The following OR9G4 variants were observed in gnomAD, a reference collection of about 807,000 sequenced individuals.
The protein encoded by OR9G4 is olfactory receptor 9G4.
In OR9G4, 19 loss-of-function variants were observed where a neutral mutation model predicts 16.7. The observed-to-expected ratio is 1.14, with a 90% CI of 0.79 to 1.67. The LOEUF (loss-of-function observed/expected upper bound fraction) is 1.67, where lower values mean the gene tolerates loss of function less well. Among genes scored for constraint, OR9G4 ranks in the 40% most tolerant of loss-of-function variants. OR9G4 has a pLI of 0.00. For synonymous variants in OR9G4, 182 were observed against 146.2 expected (o/e 1.24, Z -1.76); for missense variants, 428 against 370.4 (o/e 1.16, Z -1.28).
intron 1 of OR9G4, 143 bp from the exon 2 acceptor site, chr11:56,743,931 T>C (rs1159700879): frequency 5.6e-6 from 5 of 895,116 alleles, no homozygotes; most frequent in African/African-American, 3.4e-5. Flanking sequence ...CAGTCCATGA[T>C]TTGGAAAAAT....
chr11:56,743,501 T>C lies in OR9G4; in HGVS notation c.266A>G (p.Asp89Gly). 1.9e-6 allele frequency: 3 copies of C among 1,614,166 alleles called. No homozygotes were observed. The highest frequency in any genetic ancestry group is 1.1e-5 in the South Asian group (1 of 91,086). The change falls in exon 2 of 2, where the codon GAT becomes GGT. Residue 89 changes from aspartate to glycine, a missense_variant. Transcript: ENST00000641668. ...PKILASCVSE[D>G]KRISLAGCGA... The stretch of plus-strand genomic sequence containing the variant: ...ACATCCAGCCAAGGAAATGCGCTTA[T>C]CTTCTGAGACACAACTGGCCAGGAT...
chr11:56,741,238 G>A lies in OR9G4; in HGVS notation c.*1590C>T, dbSNP rs1034019232. On this transcript the variant is annotated 3_prime_UTR_variant, in exon 2 of 2. Coordinates refer to ENST00000641668, the MANE Select transcript of OR9G4 (RefSeq NM_001005284.2). The stretch of plus-strand genomic sequence containing the variant: ...GAAAAATTGTGTTTCTTTGTGTTTC[G>A]TTTGTTTGTTATGATTTTGAGATCA... The A allele has an allele frequency of 1.1e-4, 35 of 331,444 alleles. No homozygotes were observed. The highest frequency in any genetic ancestry group is 4.6e-4 in the Middle Eastern group (1 of 2,194). 20.5% of individuals were successfully genotyped at this position (331,444 alleles called of 1,614,324 possible). A position where few individuals can be genotyped will look rare whatever the true frequency, so the allele number is the denominator to read the frequency against.
chr11:56,747,890 G>T (rs1197840267), intron 1 of OR9G4, among the ~76,000 whole-genome samples: 1 of 152,154 alleles, frequency 6.6e-6, no homozygotes, highest in South Asian at 2.1e-4. Context: ...TGGCCAGGCT[G>T]GTCTTGAACT....
In OR9G4 at chr11:56,748,647, G is replaced by A. The variant is rs1858458196; in HGVS notation, c.-23+9C>T. On this transcript the variant is annotated intron_variant, in intron 1 of 1. Transcript: ENST00000641668. Reference sequence around the variant, plus strand: ...GACTTCCTATTTGCCCCTGATCCCAGGTGCTTACCCTTGGTTTGGAAGGCC... The same window carrying A: ...GACTTCCTATTTGCCCCTGATCCCAAGTGCTTACCCTTGGTTTGGAAGGCC... 6.6e-6 allele frequency: 1 copy of A among 152,208 alleles called. No homozygotes were observed. The highest frequency in any genetic ancestry group is 1.5e-5 in the Non-Finnish European group (1 of 68,058). 9.4% of individuals were successfully genotyped at this position (152,208 alleles called of 1,614,324 possible).
At chr11:56,747,285 A>G (rs1858433062) in intron 1 of OR9G4, among the ~76,000 whole-genome samples, 1 of 151,852 alleles carries the variant, frequency 6.6e-6, no homozygotes, top group Admixed American at 6.6e-5. Flanking sequence ...AGATGTTTTC[A>G]TGGCTCACTC....
chr11:56,746,090 G>A (rs1023369189), intron 1 of OR9G4, among the ~76,000 whole-genome samples: 2 of 151,612 alleles, frequency 1.3e-5, no homozygotes, highest in East Asian at 3.9e-4. Context: ...TCAGGAGATC[G>A]AGACCATCCC....
chr11:56,747,386 C>G (rs1858434713), intron 1 of OR9G4, among the ~76,000 whole-genome samples: 1 of 151,926 alleles, frequency 6.6e-6, no homozygotes, highest in South Asian at 2.1e-4. Flanking sequence ...AATTCCATGC[C>G]CCTTTCCTTC....
chr11:56,741,761 G>T lies in OR9G4; in HGVS notation c.*1067C>A, dbSNP rs1324061730. 1.3e-5 allele frequency: 2 copies of T among 151,804 alleles called. No individual in the cohort carries two copies. The highest frequency in any genetic ancestry group is 4.9e-5 in the African/African-American group (2 of 41,064). 9.4% of individuals were successfully genotyped at this position (151,804 alleles called of 1,614,324 possible). On this transcript the variant is annotated 3_prime_UTR_variant, in exon 2 of 2. Transcript: ENST00000641668. ...CAACAAAGTTGCTAACCTCTGAGCTGCAAGCTTGTGATTTGAAAATTGTAA... is the reference window on the plus strand; with the variant it reads ...CAACAAAGTTGCTAACCTCTGAGCTTCAAGCTTGTGATTTGAAAATTGTAA...
chr11:56,742,812 G>A lies in OR9G4; in HGVS notation c.*16C>T. 1.3e-6 allele frequency: 2 copies of A among 1,594,028 alleles called. No individual in the cohort carries two copies. Among genetic ancestry groups the A allele is most frequent in the Non-Finnish European group, 1.7e-6 (2 of 1,169,892 alleles). On this transcript the variant is annotated 3_prime_UTR_variant, in exon 2 of 2. Transcript: ENST00000641668. ...TCTGGAAAATTCAATAACAGCATTT[G>A]CAAAGAGAATAACCTTCATGTTTGT...
At chr11:56,745,937 T>C (rs1220102212) in intron 1 of OR9G4, among the ~76,000 whole-genome samples, 2 of 152,164 alleles carry the variant, frequency 1.3e-5, no homozygotes, top group Non-Finnish European at 2.9e-5. Context: ...TAAAATTTGC[T>C]GAAGACAACT....
In OR9G4 at chr11:56,743,590, C is replaced by A. The variant is rs200982312; in HGVS notation, c.177G>T (p.Met59Ile). Residue 59 changes from methionine to isoleucine, a missense_variant, in exon 2 of 2, where the codon ATG becomes ATT. By Grantham distance (10) the Met-to-Ile change is conservative (BLOSUM62 1). Transcript: ENST00000641668. ...IRTDSHLHTP[M>I]YFFIGNLSFL... ...AAGACAGATTGCCAATGAAAAAGTA[C>A]ATAGGTGTATGCAAGTGGGAATCAG... 3 of 1,614,106 alleles carry A rather than the reference C, an allele frequency of 1.9e-6. No individual in the cohort carries two copies. The highest frequency in any genetic ancestry group is 2.5e-6 in the Non-Finnish European group (3 of 1,179,986).
chr11:56,743,917 A>C (rs1858361480), intron 1 of OR9G4, 129 bp from the exon 2 acceptor site: 1 of 1,038,984 alleles, frequency 9.6e-7, no homozygotes, highest in Non-Finnish European at 1.4e-6. Context: ...GAATTATAGG[A>C]CTTCAGTCCA....
chr11:56,743,164 A>G lies in OR9G4; in HGVS notation c.603T>C (p.Gly201=). 6.2e-7 allele frequency: 1 copy of G among 1,614,132 alleles called. No homozygotes were observed. Among genetic ancestry groups the G allele is most frequent in the Non-Finnish European group, 8.5e-7 (1 of 1,179,996 alleles). Residue 201 remains glycine, a synonymous_variant, in exon 2 of 2, where the codon GGT becomes GGC. Coordinates refer to ENST00000641668, the MANE Select transcript of OR9G4 (RefSeq NM_001005284.2). ...NTRVYEKVLL[G]VVGFTVLSSI... is the part of the protein sequence containing the mutation. ...TGGAGAGTACTGTGAAGCCCACCAC[A>G]CCAAGCAGGACTTTTTCGTAGACCC...
At chr11:56,747,785 C>T (rs1858442942) in intron 1 of OR9G4, among the ~76,000 whole-genome samples, 1 of 152,156 alleles carries the variant, frequency 6.6e-6, no homozygotes, top group Non-Finnish European at 1.5e-5. Flanking sequence ...AGTGATTCTC[C>T]TGCCTCAGCC....
chr11:56,743,358 A>G lies in OR9G4; in HGVS notation c.409T>C (p.Ser137Pro), dbSNP rs1858341218. 1.9e-6 allele frequency: 3 copies of G among 1,614,034 alleles called. No homozygotes were observed. Among genetic ancestry groups the G allele is most frequent in the Admixed American group, 1.7e-5 (1 of 59,984 alleles). Residue 137 changes from serine to proline, a missense_variant, in exon 2 of 2, where the codon TCC (serine) becomes CCC (proline). Transcript: ENST00000641668. The part of the protein sequence containing the change: ...CNPLLYSGTM[S>P]TALCTGLVAG... ...ACAAGCCCAGTACAGAGGGCGGTGG[A>G]CATGGTACCTGAATAAAGCAATGGG...
chr11:56,742,870 C>T lies in OR9G4; in HGVS notation c.897G>A (p.Glu299=). The change falls in exon 2 of 2, where the codon GAG becomes GAA. Residue 299 remains glutamate (E), a synonymous_variant. Transcript: ENST00000641668. ...IYSLRNKDIK[E]AFRKATQTIQ... is the part of the protein sequence containing the mutation. ...TAGTCTGTGTTGCTTTCCTGAAGGC[C>T]TCTTTGATATCTTTGTTTCTCAGGC... The T allele has an allele frequency of 6.2e-7, 1 of 1,614,022 alleles. No homozygotes were observed. Among genetic ancestry groups the T allele is most frequent in the Non-Finnish European group, 8.5e-7 (1 of 1,179,922 alleles).
At chr11:56,746,838 C>A (rs927162161) in intron 1 of OR9G4, among the ~76,000 whole-genome samples, 2 of 152,158 alleles carry the variant, frequency 1.3e-5, no homozygotes, top group Admixed American at 6.5e-5. Context: ...AATCTGACCA[C>A]TTCTCCCCAC....
In OR9G4 at chr11:56,747,697, C is replaced by T. The variant is rs1262701729; in HGVS notation, c.-23+959G>A. On this transcript the variant is annotated intron_variant, in intron 1 of 1. Transcript: ENST00000641668. ...TATTTCTTTTTTTTTTTCTTTGAGA[C>T]GGAGTCTCACACTGTCACCCAGGCT... Among the ~76,000 whole-genome samples, 7 of 144,194 alleles carry T rather than the reference C, an allele frequency of 4.9e-5. No homozygotes were observed. The South Asian group carries it at 6.5e-4, about 13-fold the overall frequency. The allele number at this position is 144,194 out of a possible 152,430, so 94.6% of individuals were successfully genotyped here. A position where few individuals can be genotyped will look rare whatever the true frequency, so the allele number is the denominator to read the frequency against.
At chr11:56,743,915 G>C in intron 1 of OR9G4, 127 bp from the exon 2 acceptor site, 5 of 1,060,372 alleles carry the variant, frequency 4.7e-6, no homozygotes, top group Non-Finnish European at 6.8e-6. Flanking sequence ...TAGAATTATA[G>C]GACTTCAGTC....
Sources: gnomAD v4.1 joint callset for allele counts (sites outside exome capture counted in the v4.1 genomes callset) on GRCh38, gnomAD v4.1.1 for gene constraint, MANE v1.5 for transcripts, NCBI Gene and HGNC (gene_info 2026-07-23, HGNC 2026-07-21) for gene names.